Variants in INTS3 observed in about 807,000 individuals in gnomAD.
The protein encoded by INTS3 is SOSS complex subunit A.
In INTS3, 34 loss-of-function variants were observed where a neutral mutation model predicts 146.3. That is an observed-to-expected ratio of 0.23 (90% CI 0.18 to 0.31). The LOEUF (loss-of-function observed/expected upper bound fraction) is 0.31. Ranked by LOEUF, INTS3 falls within the 10% of genes least tolerant of loss-of-function variation. INTS3 has a pLI of 1.00. For synonymous variants in INTS3, 475 were observed against 494.9 expected (o/e 0.96, Z 0.53); for missense variants, 757 against 1,304.2 (o/e 0.58, Z 6.46).
intron 1 of INTS3, among the ~76,000 whole-genome samples, chr1:153,733,302 C>G (rs1570831150): frequency 7.4e-6 from 1 of 136,028 alleles, no homozygotes; most frequent in African/African-American, 2.8e-5. Context: ...AACCTCCGCC[C>G]CCTGGGTTCA....
Position 153,771,780 on chromosome 1 carries a change from C to T in INTS3, c.2553-16C>T, listed in dbSNP as rs1256112422. Reference sequence around the variant, plus strand: ...CCACTGTGCAAGCAGCACCCAGTGCCCCCTTCCTCCCCCAGGCCCAGCGAG... The same window carrying T: ...CCACTGTGCAAGCAGCACCCAGTGCTCCCTTCCTCCCCCAGGCCCAGCGAG... On this transcript the variant is annotated splice_polypyrimidine_tract_variant and intron_variant, in intron 25 of 29. Coordinates refer to ENST00000318967, the MANE Select transcript of INTS3 (RefSeq NM_023015.5). The T allele has an allele frequency of 1.2e-6, 2 of 1,605,024 alleles. No individual in the cohort carries two copies. Among genetic ancestry groups the T allele is most frequent in the African/African-American group, 1.3e-5 (1 of 74,774 alleles).
In INTS3 at chr1:153,750,777, G is replaced by C. The variant is rs2101802537; in HGVS notation, c.585-318G>C. 1.1e-5 allele frequency: 4 copies of C among 358,584 alleles called. No individual in the cohort carries two copies. In the East Asian group the frequency reaches 2.0e-4, roughly 18 times the overall value. 22.2% of individuals were successfully genotyped at this position (358,584 alleles called of 1,614,324 possible). A position where few individuals can be genotyped will look rare whatever the true frequency, so the allele number is the denominator to read the frequency against. ...GGCACATGATAGGCACTCAGTAAAT[G>C]TTTGAATGAATGAGTCAACAAAGAG... On this transcript the variant is annotated intron_variant, in intron 6 of 29. Coordinates refer to ENST00000318967, the MANE Select transcript of INTS3 (RefSeq NM_023015.5).
At position 153,728,471 on chromosome 1, in the gene INTS3, C is replaced by T; in HGVS notation, c.-164C>T. On this transcript the variant is annotated 5_prime_UTR_variant, in exon 1 of 30. Transcript: ENST00000318967. ...TGTGCCTTCGCCCCCAACGCAGGCG[C>T]GGCCTTTTGGAGAGGAGGGAGGAGT... 1 of 807,880 alleles carries T rather than the reference C, an allele frequency of 1.2e-6. No individual in the cohort carries two copies. The highest frequency in any genetic ancestry group is 1.9e-6 in the Non-Finnish European group (1 of 525,352). 50.0% of individuals were successfully genotyped at this position (807,880 alleles called of 1,614,324 possible).
chr1:153,763,407 GCT>G, intron 16 of INTS3, 45 bp downstream of exon 16: 1 of 1,609,418 alleles, frequency 6.2e-7, no homozygotes. Flanking sequence ...TCAGCCCCAG[GCT>G]CTCTACCTGG....
intron 23 of INTS3, 64 bp from the exon 24 acceptor site, chr1:153,770,134 G>GT (rs1443578994): frequency 2.8e-4 from 117 of 411,822 alleles, no homozygotes; most frequent in East Asian, 1.0e-3. Context: ...GGGTGGGGGG[G>GT]GTGTGTGTGT....
intron 1 of INTS3, among the ~76,000 whole-genome samples, chr1:153,733,578 G>A (rs1213622531): frequency 6.6e-6 from 1 of 150,958 alleles, no homozygotes; most frequent in Non-Finnish European, 1.5e-5. Context: ...GGTGTTTAAG[G>A]CCACTTCCCA....
intron 1 of INTS3, among the ~76,000 whole-genome samples, chr1:153,733,360 G>A (rs747254794): frequency 4.2e-4 from 64 of 151,060 alleles, no homozygotes; most frequent in Admixed American, 7.9e-4. Context: ...CTGCAGGTGT[G>A]CACCACCACG....
intron 24 of INTS3, 147 bp downstream of exon 24, chr1:153,770,458 C>T (rs1672801721): frequency 1.4e-6 from 1 of 707,976 alleles, no homozygotes; most frequent in East Asian, 2.6e-5. Context: ...TCTCTGTCAG[C>T]CACTTTTGTT....
intron 1 of INTS3, among the ~76,000 whole-genome samples, chr1:153,729,942 A>G (rs917832643): frequency 3.3e-5 from 5 of 152,022 alleles, no homozygotes; most frequent in African/African-American, 2.4e-5. Context: ...CTAATATTCA[A>G]CTCGGTGGTT....
Position 153,773,000 on chromosome 1 carries a change from A to G in INTS3, c.2970A>G (p.Ala990=), listed in dbSNP as rs375118960. 4.3e-6 allele frequency: 7 copies of G among 1,614,090 alleles called. No individual in the cohort carries two copies. Among genetic ancestry groups the G allele is most frequent in the African/African-American group, 4.0e-5 (3 of 74,924 alleles). The change falls in exon 29 of 30, where the codon GCA becomes GCG. Residue 990 remains alanine (A), a synonymous_variant. Coordinates refer to ENST00000318967, the MANE Select transcript of INTS3 (RefSeq NM_023015.5). The surrounding 1 kb of genome is among the most constrained non-coding windows in gnomAD (Gnocchi z 4.6). ...AGCCACCCAAGAGCCGGCGAAAAGC[A>G]GCTCTGTCCAGCCCTCGAAGTCGAA... ...STKPPKSRRK[A]ALSSPRSRKN... is the part of the protein sequence containing the mutation.
chr1:153,736,982 T>C (rs1393764072), intron 1 of INTS3, among the ~76,000 whole-genome samples: 3 of 151,556 alleles, frequency 2.0e-5, no homozygotes, highest in Non-Finnish European at 4.4e-5. Flanking sequence ...TTAGCCAGGA[T>C]GGTCTCTATC....
intron 3 of INTS3, among the ~76,000 whole-genome samples, chr1:153,742,843 C>T (rs1057141966): frequency 3.9e-5 from 6 of 152,246 alleles, no homozygotes; most frequent in African/African-American, 1.4e-4. Context: ...CCCAGGCCCT[C>T]TGGGGAAGTG....
intron 1 of INTS3, among the ~76,000 whole-genome samples, chr1:153,737,144 A>G (rs1194179097): frequency 6.6e-6 from 1 of 152,194 alleles, no homozygotes; most frequent in Non-Finnish European, 1.5e-5. Flanking sequence ...CCACTTCTCA[A>G]TAAGATGTGT....
At chr1:153,753,314 T>C (rs193227500) in intron 8 of INTS3, among the ~76,000 whole-genome samples, 46 of 152,100 alleles carry the variant, frequency 3.0e-4, no homozygotes, top group Admixed American at 2.6e-3. Context: ...ATCCCAGCAC[T>C]TTGGGAGGCC....
rs1268283188 is a variant in INTS3, at chr1:153,774,271, C to T, written c.*1001C>T. On this transcript the variant is annotated 3_prime_UTR_variant, in exon 30 of 30. Coordinates refer to ENST00000318967, the MANE Select transcript of INTS3 (RefSeq NM_023015.5). ...TCCTGCTGCCACTGGAGGTGGGAGC[C>T]AGGCACTGATCTGTCTATGCAGAAC... 1 of 152,228 alleles carries T rather than the reference C, an allele frequency of 6.6e-6. No homozygotes were observed. Among genetic ancestry groups the T allele is most frequent in the Non-Finnish European group, 1.5e-5 (1 of 68,074 alleles). 9.4% of individuals were successfully genotyped at this position (152,228 alleles called of 1,614,324 possible).
At chr1:153,731,322 T>C (rs1671051800) in intron 1 of INTS3, among the ~76,000 whole-genome samples, 1 of 152,154 alleles carries the variant, frequency 6.6e-6, no homozygotes, top group Non-Finnish European at 1.5e-5. Flanking sequence ...AACTCTTAAC[T>C]CTACTACCCT....
rs1370563013 is a variant in INTS3, at chr1:153,759,522, C to T, written c.1150-4C>T. ...GCCCTCTGTTTCTCCCCTCTCTTTT[C>T]CAGTCAAATGTCGCTGCCTCCAATG... On this transcript the variant is annotated splice_polypyrimidine_tract_variant and splice_region_variant and intron_variant, in intron 10 of 29. Transcript: ENST00000318967. 1.9e-6 allele frequency: 3 copies of T among 1,606,524 alleles called. No homozygotes were observed. The highest frequency in any genetic ancestry group is 1.7e-5 in the Admixed American group (1 of 60,010).
intron 7 of INTS3, 40 bp downstream of exon 7, chr1:153,751,279 T>G (rs750033264): frequency 6.2e-7 from 1 of 1,606,736 alleles, no homozygotes; most frequent in Non-Finnish European, 8.5e-7. Flanking sequence ...GAAGTGAGAC[T>G]CAGGCTAAGA....
In INTS3 at chr1:153,757,877, C is replaced by T. The variant is rs916597950; in HGVS notation, c.1149+114C>T. 7.8e-6 allele frequency: 6 copies of T among 764,584 alleles called. No individual in the cohort carries two copies. The highest frequency in any genetic ancestry group is 7.0e-5 in the African/African-American group (4 of 57,444). The allele number at this position is 764,584 out of a possible 1,614,324, so 47.4% of individuals were successfully genotyped here. On this transcript the variant is annotated intron_variant, in intron 10 of 29. Coordinates refer to ENST00000318967, the MANE Select transcript of INTS3 (RefSeq NM_023015.5). The surrounding 1 kb of genome is among the most constrained non-coding windows in gnomAD (Gnocchi z 4.0). Reference sequence around the variant, plus strand: ...GACCCCTAAGGGCCCTTCTTTCACTCTGGTCTTCCAGAGTGTCTCAGCCTT... The same window carrying T: ...GACCCCTAAGGGCCCTTCTTTCACTTTGGTCTTCCAGAGTGTCTCAGCCTT...
Sources: gnomAD v4.1 joint callset for allele counts (sites outside exome capture counted in the v4.1 genomes callset) on GRCh38, gnomAD v4.1.1 for gene constraint, Gnocchi (gnomAD v3.1) non-coding constraint, MANE v1.5 for transcripts, NCBI Gene and HGNC (gene_info 2026-07-23, HGNC 2026-07-21) for gene names.